The following MTUS1 variants were observed in gnomAD, a reference collection of about 807,000 sequenced individuals.
The protein encoded by MTUS1 is microtubule-associated tumor suppressor 1.
MTUS1 carries 109 observed loss-of-function variants against 120.8 expected under a neutral mutation model. That is an observed-to-expected ratio of 0.90 (90% CI 0.77 to 1.06). The LOEUF (loss-of-function observed/expected upper bound fraction) is 1.06, where lower values mean the gene tolerates loss of function less well. Among genes scored for constraint, MTUS1 ranks in the 50% least tolerant of loss-of-function variants. MTUS1 has a pLI of 0.00. For synonymous variants in MTUS1, 737 were observed against 550.5 expected, an observed-to-expected ratio of 1.34 and a Z score of -4.74; for missense variants, 2,210 against 1,486.3, an observed-to-expected ratio of 1.49 and a Z score of -8.01.
intron 2 of MTUS1, among the ~76,000 whole-genome samples, chr8:17,744,542 T>G (rs2047585863): frequency 6.6e-6 from 1 of 152,108 alleles, no homozygotes; most frequent in Admixed American, 6.6e-5. Context: ...TGCCTCAGCC[T>G]CCTGAGTAGC....
intron 12 of MTUS1, among the ~76,000 whole-genome samples, chr8:17,652,904 T>C (rs1807342632): frequency 6.6e-6 from 1 of 151,970 alleles, no homozygotes; most frequent in South Asian, 2.1e-4. Context: ...TTTTTTTAAA[T>C]AAAGTCTTCA....
chr8:17,761,934 A>G (rs1417598326), intron 1 of MTUS1, among the ~76,000 whole-genome samples: 1 of 152,238 alleles, frequency 6.6e-6, no homozygotes, highest in Admixed American at 6.5e-5. Flanking sequence ...CCTTGAATCA[A>G]AAAAGATGAC....
intron 3 of MTUS1, among the ~76,000 whole-genome samples, chr8:17,735,091 C>G (rs2046838175): frequency 6.6e-6 from 1 of 152,058 alleles, no homozygotes; most frequent in African/African-American, 2.4e-5. Context: ...TCTCTTATAT[C>G]TTTATGTCAG....
chr8:17,685,233 C>T (rs1166936354), intron 6 of MTUS1, among the ~76,000 whole-genome samples: 1 of 151,840 alleles, frequency 6.6e-6, no homozygotes, highest in Non-Finnish European at 1.5e-5. Context: ...TTTTAAAGCA[C>T]ATGCTAACAC....
intron 8 of MTUS1, among the ~76,000 whole-genome samples, chr8:17,665,363 C>T (rs59948368): frequency 0.025 from 3,794 of 152,306 alleles, 166 homozygotes; most frequent in African/African-American, 0.086. Context: ...ATAAATGCCA[C>T]TTCACCTTTA....
chr8:17,678,644 T>C (rs1296344668), intron 7 of MTUS1, among the ~76,000 whole-genome samples: 3 of 152,062 alleles, frequency 2.0e-5, no homozygotes, highest in Non-Finnish European at 4.4e-5. Flanking sequence ...ACACAGTGAA[T>C]TTGCTCAATG....
intron 8 of MTUS1, among the ~76,000 whole-genome samples, chr8:17,673,178 G>T (rs144650834): frequency 3.4e-3 from 513 of 152,262 alleles, no homozygotes; most frequent in Non-Finnish European, 5.7e-3. Context: ...TAATCATAAG[G>T]GCTGCTGTCA....
intron 2 of MTUS1, among the ~76,000 whole-genome samples, chr8:17,744,676 T>C (rs987759870): frequency 6.6e-6 from 1 of 150,842 alleles, no homozygotes; most frequent in Non-Finnish European, 1.5e-5. Context: ...GAGATGGGGT[T>C]TCACCATGTT....
intron 8 of MTUS1, among the ~76,000 whole-genome samples, chr8:17,671,894 G>C (rs528038844): frequency 7.9e-5 from 12 of 152,246 alleles, no homozygotes; most frequent in East Asian, 7.7e-4. Flanking sequence ...TGATGGGCCA[G>C]GCACTACACC....
intron 8 of MTUS1, among the ~76,000 whole-genome samples, chr8:17,669,426 G>A (rs945581046): frequency 1.3e-5 from 2 of 152,284 alleles, no homozygotes; most frequent in Middle Eastern, 3.4e-3. Context: ...CTGAACAAAG[G>A]GGAAAGAGTG....
intron 5 of MTUS1, among the ~76,000 whole-genome samples, chr8:17,714,703 A>T (rs1046524695): frequency 1.6e-4 from 24 of 152,118 alleles, no homozygotes; most frequent in African/African-American, 5.3e-4. Flanking sequence ...CAACATATAC[A>T]TACAGAGGAA....
chr8:17,667,443 C>A (rs893376520), intron 8 of MTUS1, among the ~76,000 whole-genome samples: 1 of 152,200 alleles, frequency 6.6e-6, no homozygotes, highest in East Asian at 1.9e-4. Flanking sequence ...TAGATAAAAA[C>A]GGAACAGTGA....
intron 7 of MTUS1, chr8:17,676,352 C>T (rs888501404): frequency 1.4e-6 from 1 of 702,858 alleles, no homozygotes; most frequent in East Asian, 2.7e-5. Flanking sequence ...GTCTCCAAGT[C>T]CCCCCACCCC....
At chr8:17,698,288 G>A (rs184229425) in intron 6 of MTUS1, among the ~76,000 whole-genome samples, 4 of 152,334 alleles carry the variant, frequency 2.6e-5, no homozygotes, top group African/African-American at 9.6e-5. Context: ...AAGACTAGGA[G>A]TGTGAGGAGG....
chr8:17,764,745 C>T (rs1427223299), intron 1 of MTUS1, among the ~76,000 whole-genome samples: 1 of 152,156 alleles, frequency 6.6e-6, no homozygotes, highest in African/African-American at 2.4e-5. Context: ...AAATGATTTA[C>T]AAAAAAGAGG....
intron 4 of MTUS1, chr8:17,721,577 C>T: frequency 1.8e-6 from 2 of 1,100,098 alleles, no homozygotes; most frequent in East Asian, 2.6e-5. Flanking sequence ...AATATACATA[C>T]AAAATGCCCC....
intron 6 of MTUS1, chr8:17,708,867 G>C (rs996460478): frequency 6.6e-6 from 1 of 152,258 alleles, no homozygotes; most frequent in African/African-American, 2.4e-5. Context: ...GCTGGGCGCA[G>C]TGACTCACGC....
rs775169252 is a variant in MTUS1 at position 17,754,518 on chromosome 8, T to C, written c.1290A>G (p.Thr430=). Reference sequence around the variant, plus strand: ...TTACTTTTGTGGGTTCTAGGACTGGTGTTGACATGCACATCGTTTTGTCTG... The same window carrying C: ...TTACTTTTGTGGGTTCTAGGACTGGCGTTGACATGCACATCGTTTTGTCTG... ...ISTDKTMCMS[T]PVLEPTKVTF... The change falls in exon 2 of 15, where the codon ACA becomes ACG. Residue 430 remains threonine, a synonymous_variant. Coordinates refer to ENST00000693296, the MANE Select transcript of MTUS1 (RefSeq NM_001363059.2). 1.2e-5 allele frequency: 19 copies of C among 1,614,220 alleles called. 2 individuals are homozygous for C. The South Asian group carries it at 1.6e-4, about 14-fold the overall frequency.
chr8:17,791,834 G>T (rs925618786), intron 1 of MTUS1, among the ~76,000 whole-genome samples: 1 of 152,192 alleles, frequency 6.6e-6, no homozygotes, highest in African/African-American at 2.4e-5. Flanking sequence ...ACCTATCTAT[G>T]AATCAGAAGA....
Sources: allele counts gnomAD v4.1 joint callset (sites outside exome capture counted in the v4.1 genomes callset), GRCh38; gene constraint gnomAD v4.1.1; transcripts MANE v1.5; gene names NCBI Gene and HGNC (gene_info 2026-07-23, HGNC 2026-07-21).